SLC30A9: variants seen among roughly 807,000 people sequenced by gnomAD.
The protein encoded by SLC30A9 is solute carrier family 30 member 9.
Under a neutral mutation model 87.5 loss-of-function variants are expected in SLC30A9, and 58 were observed. The observed-to-expected ratio is 0.66, with a 90% confidence interval of 0.54 to 0.82. The LOEUF is 0.82. SLC30A9 is among the 40% of genes least tolerant of loss of function. The pLI, the probability that SLC30A9 is intolerant of heterozygous loss-of-function variation, is 0.00. For synonymous variants in SLC30A9, 234 were observed against 233.0 expected (o/e 1.00, Z -0.04); for missense variants, 557 against 679.1 (o/e 0.82, Z 2.00).
intron 2 of SLC30A9, among the ~76,000 whole-genome samples, chr4:42,014,349 A>G (rs1715601965): frequency 6.6e-6 from 1 of 152,158 alleles, no homozygotes; most frequent in Non-Finnish European, 1.5e-5. Context: ...CAAAAATAGA[A>G]CTACCAGCAA....
chr4:42,015,330 G>A (rs1479985643), intron 2 of SLC30A9, among the ~76,000 whole-genome samples: 3 of 152,098 alleles, frequency 2.0e-5, no homozygotes, highest in East Asian at 1.9e-4. Flanking sequence ...GATGGGAGGC[G>A]AATATAGAAA....
At chr4:42,049,609 T>A in intron 9 of SLC30A9, 130 bp downstream of exon 9, 1 of 470,662 alleles carries the variant, frequency 2.1e-6, no homozygotes, top group East Asian at 3.3e-5. Flanking sequence ...AAGTTTACTT[T>A]TCAGCAATGA....
chr4:42,077,874 G>T (rs191753897), intron 16 of SLC30A9, among the ~76,000 whole-genome samples: 1 of 151,182 alleles, frequency 6.6e-6, no homozygotes, highest in Non-Finnish European at 1.5e-5. Context: ...TTTGTGGTTT[G>T]TTTTTTACCC....
chr4:42,079,486 G>T (rs1448565502), intron 17 of SLC30A9, among the ~76,000 whole-genome samples: 2 of 151,750 alleles, frequency 1.3e-5, no homozygotes, highest in African/African-American at 4.8e-5. Context: ...CAGAGATGAG[G>T]TTTCACCATG....
rs1438241549 is a variant in SLC30A9 at position 42,018,140 on chromosome 4, C to G, written c.304C>G (p.Pro102Ala). ...AGGTATAGGCACAGAACTCAAAGCTCCACTTAAGCAAGAACCTCTCCAAGT... is the reference window on the plus strand; with the variant it reads ...AGGTATAGGCACAGAACTCAAAGCTGCACTTAAGCAAGAACCTCTCCAAGT... ...AEGIGTELKA[P>A]LKQEPLQVRV... Residue 102 changes from proline to alanine, a missense_variant, in exon 3 of 18, where the codon CCA (proline) becomes GCA (alanine). By Grantham distance (27) the Pro-to-Ala change is conservative. Transcript: ENST00000264451. The G allele has an allele frequency of 1.3e-6, 2 of 1,568,990 alleles. No homozygotes were observed. Among genetic ancestry groups the G allele is most frequent in the Non-Finnish European group, 1.8e-6 (2 of 1,142,458 alleles).
At chr4:42,055,927 C>T (rs1717592488) in intron 9 of SLC30A9, among the ~76,000 whole-genome samples, 1 of 152,116 alleles carries the variant, frequency 6.6e-6, no homozygotes, top group Admixed American at 6.6e-5. Flanking sequence ...GTTCGTTATG[C>T]TGCAAACTAA....
intron 9 of SLC30A9, among the ~76,000 whole-genome samples, chr4:42,055,838 C>G (rs1391097858): frequency 6.6e-6 from 1 of 152,132 alleles, no homozygotes; most frequent in African/African-American, 2.4e-5. Context: ...TAGTATGATA[C>G]TTAAGGAACA....
chr4:42,081,084 C>G (rs1718726233), intron 17 of SLC30A9, among the ~76,000 whole-genome samples: 1 of 152,034 alleles, frequency 6.6e-6, no homozygotes, highest in Non-Finnish European at 1.5e-5. Flanking sequence ...AGATGCCTGC[C>G]AAATACCCAA....
At chr4:42,027,252 G>C (rs1328099788) in intron 6 of SLC30A9, among the ~76,000 whole-genome samples, 1 of 152,124 alleles carries the variant, frequency 6.6e-6, no homozygotes, top group Non-Finnish European at 1.5e-5. Context: ...TTAAATTTCA[G>C]AGTCCACAAA....
intron 8 of SLC30A9, among the ~76,000 whole-genome samples, chr4:42,044,386 C>G (rs1241199946): frequency 1.0e-5 from 1 of 98,730 alleles, no homozygotes; most frequent in African/African-American, 4.4e-5. Flanking sequence ...AAATGGAAAG[C>G]AAAAAAAAAA....
At chr4:42,046,833 A>G (rs952410897) in intron 8 of SLC30A9, among the ~76,000 whole-genome samples, 15 of 152,220 alleles carry the variant, frequency 9.9e-5, no homozygotes, top group African/African-American at 3.1e-4. Flanking sequence ...ACTTCAAACT[A>G]TACTACAAGG....
chr4:42,065,225 T>G, intron 11 of SLC30A9, 85 bp from the exon 12 acceptor site: 2 of 756,112 alleles, frequency 2.6e-6, no homozygotes, highest in Admixed American at 3.9e-5. Flanking sequence ...TTCGTGTTTT[T>G]GTTTTAGACA....
intron 7 of SLC30A9, 106 bp from the exon 8 acceptor site, chr4:42,038,880 C>A: frequency 1.5e-6 from 1 of 676,956 alleles, no homozygotes. Context: ...AAATCTAATT[C>A]AGAAGTTTTG....
chr4:42,070,804 GT>G, intron 15 of SLC30A9, 113 bp downstream of exon 15: 1 of 732,118 alleles, frequency 1.4e-6, no homozygotes, highest in Admixed American at 3.1e-5. Context: ...TCTTCAGAAC[GT>G]TTTAGTCTGT....
chr4:42,081,199 G>A (rs936737305), intron 17 of SLC30A9, among the ~76,000 whole-genome samples: 3 of 152,114 alleles, frequency 2.0e-5, no homozygotes, highest in Non-Finnish European at 2.9e-5. Flanking sequence ...GTACTTTTAC[G>A]TACTTTCCAT....
Position 42,087,032 on chromosome 4 carries a change from C to T in SLC30A9, c.*906C>T, listed in dbSNP as rs956362042. On this transcript the variant is annotated 3_prime_UTR_variant, in exon 18 of 18. Coordinates refer to ENST00000264451, the MANE Select transcript of SLC30A9 (RefSeq NM_006345.4). ...CAGCATTTGACTTTTATTTAAAAGG[C>T]GGCACTACTTATGTAAATCTGAGCT... 15 of 151,974 alleles carry T rather than the reference C, an allele frequency of 9.9e-5. No homozygotes were observed. The highest frequency in any genetic ancestry group is 3.6e-4 in the African/African-American group (15 of 41,358). The allele number at this position is 151,974 out of a possible 1,614,324, so 9.4% of individuals were successfully genotyped here.
chr4:42,057,254 C>A (rs925559814), intron 9 of SLC30A9, among the ~76,000 whole-genome samples: 4 of 152,166 alleles, frequency 2.6e-5, no homozygotes, highest in African/African-American at 7.2e-5. Flanking sequence ...GGCTCCCACC[C>A]CACATTTCCC....
rs1718936746 is a variant in SLC30A9 at position 42,086,741 on chromosome 4, G to A, written c.*615G>A. 6.6e-6 allele frequency: 1 copy of A among 152,590 alleles called. No individual in the cohort carries two copies. The highest frequency in any genetic ancestry group is 2.4e-5 in the African/African-American group (1 of 41,446). The allele number at this position is 152,590 out of a possible 1,614,324, so 9.5% of individuals were successfully genotyped here. A position where few individuals can be genotyped will look rare whatever the true frequency, so the allele number is the denominator to read the frequency against. Reference sequence around the variant, plus strand: ...GAAATGTTTAGTTACTGAATTGAATGAAGACATCTCAGTACACTCTTTTAG... The same window carrying A: ...GAAATGTTTAGTTACTGAATTGAATAAAGACATCTCAGTACACTCTTTTAG... On this transcript the variant is annotated 3_prime_UTR_variant, in exon 18 of 18. Coordinates refer to ENST00000264451, the MANE Select transcript of SLC30A9 (RefSeq NM_006345.4).
At chr4:42,077,697 T>C (rs1718610100) in intron 16 of SLC30A9, among the ~76,000 whole-genome samples, 1 of 152,174 alleles carries the variant, frequency 6.6e-6, no homozygotes, top group South Asian at 2.1e-4. Context: ...ATTATTTTTT[T>C]CTAGTTTATA....
Sources: allele counts gnomAD v4.1 joint callset (sites outside exome capture counted in the v4.1 genomes callset), GRCh38; gene constraint gnomAD v4.1.1; transcripts MANE v1.5; gene names NCBI Gene and HGNC (gene_info 2026-07-23, HGNC 2026-07-21).